Variants in ABCC12 observed in about 807,000 individuals in gnomAD.
The protein encoded by ABCC12 is ATP binding cassette subfamily C member 12.
ABCC12 carries 142 observed loss-of-function variants against 151.1 expected under a neutral mutation model. That is an observed-to-expected ratio of 0.94 (90% CI 0.82 to 1.08). The LOEUF is 1.08. Among genes scored for constraint, ABCC12 ranks in the 50% least tolerant of loss-of-function variants. ABCC12 has a pLI of 0.00. For synonymous variants in ABCC12, 645 were observed against 646.4 expected, an observed-to-expected ratio of 1.00 and a Z score of 0.03; for missense variants, 1,638 against 1,691.1, an observed-to-expected ratio of 0.97 and a Z score of 0.55.
At chr16:48,124,305 G>T (rs376078654) in intron 11 of ABCC12, 21 bp from the exon 12 acceptor site, 4 of 1,611,426 alleles carry the variant, frequency 2.5e-6, no homozygotes, top group Non-Finnish European at 8.5e-7. Context: ...AACAGAGATG[G>T]GACACAGTCA....
At position 48,108,516 on chromosome 16, in the gene ABCC12, C is replaced by G. The variant is rs769469806; in HGVS notation, c.2295G>C (p.Gln765His). Residue 765 changes from glutamine (Q) to histidine (H), a missense_variant, in exon 19 of 31, where the codon CAG becomes CAC. By Grantham distance (24) the Gln-to-His change is conservative. Coordinates refer to ENST00000311303, the MANE Select transcript of ABCC12 (RefSeq NM_001393797.1). Reference protein sequence around the residue: ...EFVDTKVPEHQLIQTESPQEG... With the variant: ...EFVDTKVPEHHLIQTESPQEG... ...CCTGGGGGGATTCAGTCTGGATGAG[C>G]TGGTGCTCAGGAACTGTGGAGACAA... 1.2e-6 allele frequency: 2 copies of G among 1,614,080 alleles called. No individual in the cohort carries two copies. The highest frequency in any genetic ancestry group is 2.2e-5 in the South Asian group (2 of 91,054).
At chr16:48,152,386 G>A (rs1416944596) in intron 2 of ABCC12, among the ~76,000 whole-genome samples, 2 of 152,170 alleles carry the variant, frequency 1.3e-5, no homozygotes, top group Admixed American at 6.5e-5. Context: ...CTTTGGGCAC[G>A]GTCTTTCTAC....
intron 23 of ABCC12, among the ~76,000 whole-genome samples, chr16:48,098,512 C>CT (rs1963189662): frequency 6.6e-6 from 1 of 152,206 alleles, no homozygotes; most frequent in Admixed American, 6.5e-5. Context: ...TGTTTCAACT[C>CT]TAACTTATTT....
chr16:48,128,328 C>T, intron 11 of ABCC12, 131 bp downstream of exon 11: 2 of 1,359,026 alleles, frequency 1.5e-6, no homozygotes, highest in African/African-American at 2.9e-5. Flanking sequence ...GGGAAAAATA[C>T]AGGGACTCTG....
chr16:48,146,980 T>G (rs1264436060), intron 2 of ABCC12, among the ~76,000 whole-genome samples: 2 of 151,810 alleles, frequency 1.3e-5, no homozygotes, highest in African/African-American at 2.4e-5. Context: ...CGCACACACA[T>G]GCACACACCC....
intron 11 of ABCC12, among the ~76,000 whole-genome samples, chr16:48,127,511 T>C (rs1485041660): frequency 6.6e-6 from 1 of 152,168 alleles, no homozygotes; most frequent in Non-Finnish European, 1.5e-5. Flanking sequence ...AGAGGAGTTT[T>C]TGCCGGTGGT....
chr16:48,115,345 A>C lies in ABCC12; in HGVS notation c.1989+70T>G, dbSNP rs74018246. ...GACAGGCAGATATAGGCAGAAGAGG[A>C]GGCTCTGTGAGCATCAGATCCCCAG... is the stretch of plus-strand genomic sequence containing the variant. On this transcript the variant is annotated intron_variant, in intron 15 of 30. Coordinates refer to ENST00000311303, the MANE Select transcript of ABCC12 (RefSeq NM_001393797.1). 4.0e-6 allele frequency: 6 copies of C among 1,511,090 alleles called. No homozygotes were observed. The African/African-American group carries it at 5.5e-5, about 14-fold the overall frequency. The allele number at this position is 1,511,090 out of a possible 1,614,324, so 93.6% of individuals were successfully genotyped here. A position where few individuals can be genotyped will look rare whatever the true frequency, so the allele number is the denominator to read the frequency against.
At chr16:48,102,191 C>T (rs116307658) in intron 22 of ABCC12, among the ~76,000 whole-genome samples, 1 of 152,298 alleles carries the variant, frequency 6.6e-6, no homozygotes, top group African/African-American at 2.4e-5. Flanking sequence ...TGGTGGCAGG[C>T]CAAGTCTTCA....
chr16:48,087,956 T>C lies in ABCC12; in HGVS notation c.3605A>G (p.Gln1202Arg), dbSNP rs1323691033. The C allele has an allele frequency of 9.3e-6, 15 of 1,614,188 alleles. No homozygotes were observed. The highest frequency in any genetic ancestry group is 1.2e-5 in the Non-Finnish European group (14 of 1,180,004). Residue 1202 changes from glutamine to arginine, a missense_variant, in exon 27 of 31, where the codon CAG becomes CGG. Physicochemically the swap from Gln to Arg is conservative, Grantham distance 43. Coordinates refer to ENST00000311303, the MANE Select transcript of ABCC12 (RefSeq NM_001393797.1). ...TGTACCTACAAACAGGACAGGATCCTGTGGGATCACAGTCAGCTTGGTTCT... is the reference window on the plus strand; with the variant it reads ...TGTACCTACAAACAGGACAGGATCCCGTGGGATCACAGTCAGCTTGGTTCT... ...DLRTKLTVIP[Q>R]DPVLFVGTVR...
At chr16:48,132,394 A>G (rs1176229322) in intron 9 of ABCC12, among the ~76,000 whole-genome samples, 1 of 152,172 alleles carries the variant, frequency 6.6e-6, no homozygotes, top group South Asian at 2.1e-4. Context: ...CAGGGCAGTC[A>G]TGGGCCCCAC....
rs1290643094 is a variant in ABCC12, at chr16:48,145,790, T to C, written c.119+516A>G. The stretch of plus-strand genomic sequence containing the variant: ...GCACAGCCACCTTGCTGTACAGGAG[T>C]AAGCCTGGTCAAGACCAAATGAACC... On this transcript the variant is annotated intron_variant, in intron 3 of 30. Coordinates refer to ENST00000311303, the MANE Select transcript of ABCC12 (RefSeq NM_001393797.1). Among the ~76,000 whole-genome samples the C allele has an allele frequency of 2.0e-5, 3 of 151,998 alleles. No individual in the cohort carries two copies. In the South Asian group the frequency reaches 6.2e-4, roughly 32 times the overall value.
chr16:48,121,316 G>A, intron 13 of ABCC12: 1 of 158,340 alleles, frequency 6.3e-6, no homozygotes, highest in East Asian at 1.9e-4. Flanking sequence ...TAGCTCTGAT[G>A]TCAATTAATA....
intron 24 of ABCC12, among the ~76,000 whole-genome samples, chr16:48,093,681 T>C (rs1484043458): frequency 1.3e-5 from 2 of 152,334 alleles, no homozygotes; most frequent in Non-Finnish European, 1.5e-5. Flanking sequence ...GCTCAGGGGA[T>C]ATCTGGCAAA....
In ABCC12 at chr16:48,105,328, A is replaced by G. The variant is rs754867023; in HGVS notation, c.2484T>C (p.Cys828=). The G allele has an allele frequency of 3.1e-6, 5 of 1,609,016 alleles. No individual in the cohort carries two copies. The South Asian group carries it at 3.3e-5, about 11-fold the overall frequency. Residue 828 remains cysteine, a synonymous_variant, in exon 21 of 31, where the codon TGT becomes TGC. Transcript: ENST00000311303. Reference sequence around the variant, plus strand: ...ACATGGTCCTGTTGCCCTGGGGCCCACAGGTCATCTTTGGAGAAAAACAAG... The same window carrying G: ...ACATGGTCCTGTTGCCCTGGGGCCCGCAGGTCATCTTTGGAGAAAAACAAG... ...LWLDKGSRMT[C]GPQGNRTMCE...
In ABCC12 at chr16:48,107,411, G is replaced by C; in HGVS notation, c.2386C>G (p.Leu796Val). ...IKASGGYLLS[L>V]FTVFLFLLMI... ...AGGAGGAAGAGGAACACAGTGAAGA[G>C]AGAAAGGAGGTACCCTGCAAGAGGA... The change falls in exon 20 of 31, where the codon CTC becomes GTC. Residue 796 changes from leucine (L) to valine (V), a missense_variant. Transcript: ENST00000311303. 1 of 1,614,188 alleles carries C rather than the reference G, an allele frequency of 6.2e-7. No individual in the cohort carries two copies. Among genetic ancestry groups the C allele is most frequent in the Non-Finnish European group, 8.5e-7 (1 of 1,180,028 alleles).
chr16:48,108,358 T>A, intron 19 of ABCC12, 82 bp downstream of exon 19: 1 of 1,270,148 alleles, frequency 7.9e-7, no homozygotes, highest in Non-Finnish European at 1.1e-6. Flanking sequence ...GTTAAAGAAA[T>A]CATAAAACGT....
At chr16:48,088,835 C>A in intron 25 of ABCC12, 101 bp from the exon 26 acceptor site, 1 of 1,032,440 alleles carries the variant, frequency 9.7e-7, no homozygotes. Flanking sequence ...TACTGCTATT[C>A]ATGGTGGTGA....
At chr16:48,094,945 T>A (rs925322518) in intron 24 of ABCC12, among the ~76,000 whole-genome samples, 1 of 151,802 alleles carries the variant, frequency 6.6e-6, no homozygotes. Flanking sequence ...AGGAGACAGA[T>A]GGACAAAACC....
chr16:48,117,214 T>C, intron 14 of ABCC12, 47 bp downstream of exon 14: 2 of 1,567,588 alleles, frequency 1.3e-6, no homozygotes, highest in Non-Finnish European at 1.7e-6. Context: ...CCTGAGCAAA[T>C]GTACTGTGTG....
Sources: allele counts gnomAD v4.1 joint callset (sites outside exome capture counted in the v4.1 genomes callset), GRCh38; gene constraint gnomAD v4.1.1; transcripts MANE v1.5; gene names NCBI Gene and HGNC (gene_info 2026-07-23, HGNC 2026-07-21).